Variants in SCN9A observed in about 807,000 individuals in gnomAD.
SCN9A encodes sodium channel protein type 9 subunit alpha.
Under a neutral mutation model 187.0 loss-of-function variants are expected in SCN9A, and 131 were observed. That is an observed-to-expected ratio of 0.70 (90% CI 0.61 to 0.81). The LOEUF is 0.81. SCN9A is among the 30% of genes least tolerant of loss of function. The pLI is 0.00. For synonymous variants in SCN9A, 809 were observed against 808.6 expected, an observed-to-expected ratio of 1.00 and a Z score of -0.01; for missense variants, 2,252 against 2,396.6, an observed-to-expected ratio of 0.94 and a Z score of 1.26.
Position 166,198,937 on chromosome 2 carries a change from C to A in SCN9A, c.5702G>T (p.Arg1901Ile). The A allele has an allele frequency of 6.2e-7, 1 of 1,613,966 alleles. No homozygotes were observed. The highest frequency in any genetic ancestry group is 8.5e-7 in the Non-Finnish European group (1 of 1,179,890). ...GACATTTTGCCTTAAGCGGTAACGT[C>A]TATAAGCACGCTGAATGACAGTAGC... ...VSATVIQRAY[R>I]RYRLRQNVKN... The change falls in exon 27 of 27, where the codon AGA (arginine) becomes ATA (isoleucine). Residue 1901 changes from arginine to isoleucine, a missense_variant. Arg to Ile is a moderately conservative substitution (Grantham distance 97). This residue lies in a region of SCN9A where 345 missense variants were observed against 344.6 expected (regional missense o/e 1.00). Transcript: ENST00000642356.
chr2:166,250,543 G>A (rs1027678944), intron 18 of SCN9A, among the ~76,000 whole-genome samples: 1 of 151,998 alleles, frequency 6.6e-6, no homozygotes, highest in Non-Finnish European at 1.5e-5. Flanking sequence ...TGTTTATCAG[G>A]CTCCAAAGTT....
At chr2:166,200,409 G>T (rs567435803) in intron 26 of SCN9A, among the ~76,000 whole-genome samples, 2 of 151,992 alleles carry the variant, frequency 1.3e-5, no homozygotes, top group Non-Finnish European at 2.9e-5. Flanking sequence ...AAGTTCATGG[G>T]CCATTTTTTC....
At chr2:166,235,940 C>T (rs537028830) in intron 20 of SCN9A, among the ~76,000 whole-genome samples, 150 of 152,124 alleles carry the variant, frequency 9.9e-4, no homozygotes, top group Non-Finnish European at 1.9e-3. Context: ...ACAGCCATAT[C>T]TCTTAATTTA....
At chr2:166,214,961 A>G (rs1335930807) in intron 24 of SCN9A, among the ~76,000 whole-genome samples, 1 of 152,170 alleles carries the variant, frequency 6.6e-6, no homozygotes, top group African/African-American at 2.4e-5. Flanking sequence ...TCTAACAGAT[A>G]TTTATAGAAC....
At chr2:166,345,055 G>A (rs1167851007) in intron 1 of SCN9A, among the ~76,000 whole-genome samples, 1 of 151,988 alleles carries the variant, frequency 6.6e-6, no homozygotes, top group East Asian at 1.9e-4. Flanking sequence ...ATTACTCCAG[G>A]AGTTAAAATA....
rs1278325097 is a variant in SCN9A, at chr2:166,310,877, G to A, written c.258+622C>T. Among the ~76,000 whole-genome samples, 2 of 80,146 alleles carry A rather than the reference G, an allele frequency of 2.5e-5. 1 individual carries two copies. Among genetic ancestry groups the A allele is most frequent in the Non-Finnish European group, 5.2e-5 (2 of 38,738 alleles). 52.6% of individuals were successfully genotyped at this position (80,146 alleles called of 152,430 possible). On this transcript the variant is annotated intron_variant, in intron 2 of 26. Coordinates refer to ENST00000642356, the MANE Select transcript of SCN9A (RefSeq NM_001365536.1). ...GTCCAACAATGATAGACTGGATTAA[G>A]AAAATGTGGCTCATATACACCATGG...
At chr2:166,323,222 T>G (rs1699285627) in intron 1 of SCN9A, among the ~76,000 whole-genome samples, 1 of 152,172 alleles carries the variant, frequency 6.6e-6, no homozygotes, top group Admixed American at 6.5e-5. Context: ...TAAATATCAT[T>G]AATGTAATCT....
At chr2:166,314,880 A>G (rs6732135) in intron 1 of SCN9A, among the ~76,000 whole-genome samples, 97,017 of 152,004 alleles carry the variant, frequency 0.64, 31,632 homozygotes, top group African/African-American at 0.75. Context: ...ATATTCTAAA[A>G]CTACATAATG....
intron 16 of SCN9A, among the ~76,000 whole-genome samples, chr2:166,274,741 C>T (rs995199567): frequency 3.3e-5 from 5 of 152,072 alleles, no homozygotes; most frequent in African/African-American, 1.2e-4. Context: ...GAAACACTCA[C>T]CAATATATCC....
intron 1 of SCN9A, among the ~76,000 whole-genome samples, chr2:166,367,372 C>T (rs78731163): frequency 0.058 from 8,862 of 152,240 alleles, 344 homozygotes; most frequent in African/African-American, 0.1. Flanking sequence ...AGGCAATTCT[C>T]CTGCCTCAGC....
Position 166,242,984 on chromosome 2 carries a change from C to T in SCN9A, c.3473-328G>A, listed in dbSNP as rs73019666. On this transcript the variant is annotated intron_variant, in intron 18 of 26. Transcript: ENST00000642356. Reference sequence around the variant, plus strand: ...GAATGAATGAACTAAAATCTGAAGACGACATGAATTTTAGGGTCTTCTTTT... The same window carrying T: ...GAATGAATGAACTAAAATCTGAAGATGACATGAATTTTAGGGTCTTCTTTT... 8.9e-3 allele frequency among the ~76,000 whole-genome samples: 1,349 copies of T among 152,142 alleles called. 25 individuals carry two copies. The highest frequency in any genetic ancestry group is 0.03 in the African/African-American group (1,243 of 41,514).
chr2:166,295,438 G>A (rs1403702108), intron 7 of SCN9A, among the ~76,000 whole-genome samples: 1 of 152,120 alleles, frequency 6.6e-6, no homozygotes, highest in Non-Finnish European at 1.5e-5. Flanking sequence ...AGATGGTATA[G>A]GCTACCATAC....
chr2:166,311,089 G>A (rs1698925664), intron 2 of SCN9A, among the ~76,000 whole-genome samples: 1 of 73,758 alleles, frequency 1.4e-5, no homozygotes, highest in Admixed American at 1.7e-4. Context: ...ACACTCTAGG[G>A]ACTGTGGTGG....
At chr2:166,287,405 A>G (rs999204424) in intron 10 of SCN9A, among the ~76,000 whole-genome samples, 3 of 152,130 alleles carry the variant, frequency 2.0e-5, no homozygotes, top group African/African-American at 7.2e-5. Flanking sequence ...AAAAAAACAC[A>G]TAGTTCTATG....
chr2:166,353,030 T>C (rs535797353), intron 1 of SCN9A, among the ~76,000 whole-genome samples: 3 of 151,960 alleles, frequency 2.0e-5, no homozygotes, highest in Non-Finnish European at 4.4e-5. Flanking sequence ...AATTTCTTTC[T>C]TATTAAAACA....
intron 2 of SCN9A, among the ~76,000 whole-genome samples, chr2:166,310,273 C>A (rs1698899901): frequency 1.2e-5 from 1 of 83,698 alleles, no homozygotes; most frequent in African/African-American, 6.6e-5. Flanking sequence ...AACTAAAGAG[C>A]TTCTGCACAG....
chr2:166,276,754 A>G (rs1180655390), intron 16 of SCN9A: 1 of 275,524 alleles, frequency 3.6e-6, no homozygotes, highest in Non-Finnish European at 6.5e-6. Flanking sequence ...TTGCCTTAAA[A>G]TGAATAGGCA....
At chr2:166,210,789 T>G (rs562027708) in intron 24 of SCN9A, among the ~76,000 whole-genome samples, 7 of 152,148 alleles carry the variant, frequency 4.6e-5, no homozygotes, top group Non-Finnish European at 1.0e-4. Flanking sequence ...CTGGGCATGG[T>G]GGCTCACACC....
In SCN9A at chr2:166,262,460, A is replaced by G. The variant is rs74399819; in HGVS notation, c.3351+9939T>C. ...TCACACATTATTACCAAGGTAGACT[A>G]TAACCTAATCAGTCAGCATTAAGGT... On this transcript the variant is annotated intron_variant, in intron 17 of 26. Coordinates refer to ENST00000642356, the MANE Select transcript of SCN9A (RefSeq NM_001365536.1). Among the ~76,000 whole-genome samples, 1,136 of 152,098 alleles carry G rather than the reference A, an allele frequency of 7.5e-3. 14 individuals carry two copies. Among genetic ancestry groups the G allele is most frequent in the South Asian group, 0.056 (271 of 4,826 alleles).
Sources: gnomAD v4.1 joint callset for allele counts (sites outside exome capture counted in the v4.1 genomes callset) on GRCh38, gnomAD v4.1.1 for gene constraint, gnomAD v4.1.1 regional missense constraint, MANE v1.5 for transcripts, NCBI Gene and HGNC (gene_info 2026-07-23, HGNC 2026-07-21) for gene names.